Variants in DCHS2 observed in about 807,000 individuals in gnomAD.
DCHS2 encodes protocadherin-23.
DCHS2 carries 142 observed loss-of-function variants against 182.4 expected under a neutral mutation model. That is an observed-to-expected ratio of 0.78 (90% CI 0.68 to 0.89). DCHS2 has a LOEUF of 0.89. Among genes scored for constraint, DCHS2 ranks in the 40% least tolerant of loss-of-function variants. The probability of loss-of-function intolerance (pLI) is 0.00; values close to 1 mark genes in which losing one functional copy is unlikely to be tolerated. For missense variants in DCHS2, 4,319 were observed against 4,198.6 expected, an observed-to-expected ratio of 1.03 and a Z score of -0.79; for synonymous variants, 1,740 against 1,663.3, an observed-to-expected ratio of 1.05 and a Z score of -1.12.
intron 13 of DCHS2, 35 bp from the exon 14 acceptor site, chr4:154,270,048 G>C (rs1299185762): frequency 6.4e-7 from 1 of 1,562,194 alleles, no homozygotes; most frequent in South Asian, 1.2e-5. Flanking sequence ...ACTCCATTAG[G>C]ATAAAAAAAT....
At chr4:154,468,912 G>A (rs1202748398) in intron 1 of DCHS2, among the ~76,000 whole-genome samples, 1 of 152,150 alleles carries the variant, frequency 6.6e-6, no homozygotes, top group Non-Finnish European at 1.5e-5. Context: ...AAGAAGAGAG[G>A]AAGGGAGAGA....
intron 1 of DCHS2, among the ~76,000 whole-genome samples, chr4:154,422,163 G>T (rs1439883940): frequency 6.6e-6 from 1 of 152,140 alleles, no homozygotes; most frequent in East Asian, 1.9e-4. Flanking sequence ...CCAAGGTGGG[G>T]TCTTCAATCT....
intron 1 of DCHS2, among the ~76,000 whole-genome samples, chr4:154,410,964 G>A (rs544258218): frequency 6.6e-6 from 1 of 152,172 alleles, no homozygotes; most frequent in Non-Finnish European, 1.5e-5. Context: ...GAGAGAATGA[G>A]ATGTTATACG....
chr4:154,480,319 A>G (rs1315193871), intron 1 of DCHS2, among the ~76,000 whole-genome samples: 1 of 152,234 alleles, frequency 6.6e-6, no homozygotes, highest in East Asian at 1.9e-4. Flanking sequence ...CTGCACAGTT[A>G]ATTGAAATGA....
At chr4:154,318,203 T>C (rs1735929193) in intron 9 of DCHS2, among the ~76,000 whole-genome samples, 1 of 151,350 alleles carries the variant, frequency 6.6e-6, no homozygotes, top group African/African-American at 2.4e-5. Flanking sequence ...GTCTATTTTA[T>C]ATATATATGC....
intron 13 of DCHS2, among the ~76,000 whole-genome samples, chr4:154,279,371 TAGA>T (rs1734015709): frequency 6.6e-6 from 1 of 152,124 alleles, no homozygotes; most frequent in Middle Eastern, 3.4e-3. Flanking sequence ...TCACTTTACA[TAGA>T]AGAACACACA....
intron 1 of DCHS2, among the ~76,000 whole-genome samples, chr4:154,470,533 A>G (rs1005994656): frequency 6.6e-6 from 1 of 151,954 alleles, no homozygotes; most frequent in Admixed American, 6.6e-5. Context: ...ATTAAATAAG[A>G]TCTGTCAGCT....
intron 14 of DCHS2, among the ~76,000 whole-genome samples, chr4:154,263,424 G>A (rs1733079738): frequency 6.6e-6 from 1 of 151,778 alleles, no homozygotes; most frequent in African/African-American, 2.4e-5. Context: ...ATGCATTATT[G>A]AGTTGGTACA....
intron 1 of DCHS2, among the ~76,000 whole-genome samples, chr4:154,449,503 T>C (rs968306634): frequency 2.0e-4 from 31 of 152,044 alleles, no homozygotes; most frequent in African/African-American, 7.2e-4. Context: ...CCCTAGTAGC[T>C]GGGACTACAG....
At chr4:154,340,202 C>G (rs1200711842) in intron 3 of DCHS2, among the ~76,000 whole-genome samples, 1 of 152,052 alleles carries the variant, frequency 6.6e-6, no homozygotes, top group East Asian at 1.9e-4. Flanking sequence ...AAATAGGATT[C>G]TAATTCTACA....
chr4:154,292,166 T>C (rs1734698455), intron 13 of DCHS2, among the ~76,000 whole-genome samples: 1 of 152,198 alleles, frequency 6.6e-6, no homozygotes, highest in South Asian at 2.1e-4. Flanking sequence ...GAAAGTTTCT[T>C]GTAAATTTTC....
At chr4:154,261,729 A>C (rs1320484517) in intron 14 of DCHS2, 1 of 152,146 alleles carries the variant, frequency 6.6e-6, no homozygotes, top group Non-Finnish European at 1.5e-5. Context: ...CCAAATTTAA[A>C]ATTTCATAAA....
intron 1 of DCHS2, among the ~76,000 whole-genome samples, chr4:154,394,958 A>G (rs190714869): frequency 7.2e-4 from 109 of 152,262 alleles, no homozygotes; most frequent in African/African-American, 2.6e-3. Context: ...ACTGAGAAAG[A>G]GCCAACCAGA....
At chr4:154,267,471 A>G (rs1481240923) in intron 14 of DCHS2, among the ~76,000 whole-genome samples, 1 of 152,142 alleles carries the variant, frequency 6.6e-6, no homozygotes, top group Non-Finnish European at 1.5e-5. Flanking sequence ...TGGTGGAACC[A>G]TTCCATAAAC....
chr4:154,264,323 A>G (rs1271743918), intron 14 of DCHS2, among the ~76,000 whole-genome samples: 1 of 152,192 alleles, frequency 6.6e-6, no homozygotes, highest in Admixed American at 6.5e-5. Context: ...GAATTGTTGG[A>G]CACAGAATTA....
intron 1 of DCHS2, among the ~76,000 whole-genome samples, chr4:154,452,623 C>T (rs1465254606): frequency 6.8e-6 from 1 of 146,284 alleles, no homozygotes; most frequent in Non-Finnish European, 1.5e-5. Flanking sequence ...GACTCCATCG[C>T]AAAAACAAAC....
At chr4:154,352,731 C>T (rs1729678663) in intron 3 of DCHS2, among the ~76,000 whole-genome samples, 1 of 152,138 alleles carries the variant, frequency 6.6e-6, no homozygotes, top group Admixed American at 6.5e-5. Flanking sequence ...ATAAAGAAGG[C>T]AAAAAGTTTA....
chr4:154,379,199 T>G (rs1731058658), intron 1 of DCHS2, among the ~76,000 whole-genome samples: 1 of 152,214 alleles, frequency 6.6e-6, no homozygotes, highest in Non-Finnish European at 1.5e-5. Context: ...GAGCAGCTAT[T>G]TCTTTGGTTC....
At chr4:154,357,973 G>A (rs1729950922) in intron 3 of DCHS2, among the ~76,000 whole-genome samples, 1 of 152,144 alleles carries the variant, frequency 6.6e-6, no homozygotes, top group South Asian at 2.1e-4. Context: ...GCAGACTGCA[G>A]GGAATACATA....
Sources: allele counts gnomAD v4.1 joint callset (sites outside exome capture counted in the v4.1 genomes callset), GRCh38; gene constraint gnomAD v4.1.1; transcripts MANE v1.5; gene names NCBI Gene and HGNC (gene_info 2026-07-23, HGNC 2026-07-21).